The following ZNF438 variants were observed in gnomAD, a reference collection of about 807,000 sequenced individuals.
ZNF438 encodes the protein zinc finger protein 438.
In ZNF438, 25 loss-of-function variants were observed where a neutral mutation model predicts 38.0. The ratio of observed to expected loss-of-function variants is 0.66; its 90% confidence interval spans 0.48 to 0.92. The LOEUF is 0.92. Ranked by LOEUF, ZNF438 falls within the 40% of genes least tolerant of loss-of-function variation. ZNF438 has a pLI of 0.00. For synonymous variants in ZNF438, 372 were observed against 364.1 expected, an observed-to-expected ratio of 1.02 and a Z score of -0.25; for missense variants, 1,007 against 999.6, an observed-to-expected ratio of 1.01 and a Z score of -0.10.
intron 1 of ZNF438, among the ~76,000 whole-genome samples, chr10:31,022,561 C>T (rs536488460): frequency 1.3e-4 from 20 of 152,224 alleles, no homozygotes; most frequent in African/African-American, 4.8e-4. Flanking sequence ...ACACCTGGCC[C>T]ACTACAGCTT....
intron 2 of ZNF438, among the ~76,000 whole-genome samples, chr10:30,926,593 A>G (rs560098846): frequency 5.9e-5 from 9 of 151,928 alleles, no homozygotes; most frequent in African/African-American, 2.2e-4. Flanking sequence ...TTGAACCCGG[A>G]AGGCAGAGGT....
chr10:30,914,983 A>G (rs1264579035), intron 2 of ZNF438, among the ~76,000 whole-genome samples: 1 of 152,042 alleles, frequency 6.6e-6, no homozygotes, highest in Non-Finnish European at 1.5e-5. Flanking sequence ...AAAGCTCAAA[A>G]CTTGTTTAGG....
chr10:30,936,977 T>C (rs1208764553), intron 2 of ZNF438, among the ~76,000 whole-genome samples: 2 of 152,352 alleles, frequency 1.3e-5, no homozygotes, highest in South Asian at 2.1e-4. Flanking sequence ...GTGGTGAGAC[T>C]TGGGACTCCT....
intron 1 of ZNF438, among the ~76,000 whole-genome samples, chr10:30,956,869 A>T (rs1252642216): frequency 6.6e-6 from 1 of 152,208 alleles, no homozygotes; most frequent in Non-Finnish European, 1.5e-5. Flanking sequence ...TATCTCTTCA[A>T]CAACATACTG....
intron 3 of ZNF438, among the ~76,000 whole-genome samples, chr10:30,900,358 C>A (rs1403816687): frequency 6.6e-6 from 1 of 152,050 alleles, no homozygotes; most frequent in East Asian, 1.9e-4. Context: ...CACTTACTAG[C>A]TATGTAAACT....
At chr10:30,856,927 G>T (rs2034735204) in intron 4 of ZNF438, among the ~76,000 whole-genome samples, 1 of 152,162 alleles carries the variant, frequency 6.6e-6, no homozygotes, top group African/African-American at 2.4e-5. Context: ...GGGAAACTAG[G>T]AAGTGTTGAG....
Position 30,954,899 on chromosome 10 carries a change from G to T in ZNF438, c.-191-13248C>A, listed in dbSNP as rs539292555. Among the ~76,000 whole-genome samples the T allele has an allele frequency of 8.5e-5, 13 of 152,280 alleles. No individual in the cohort carries two copies. The South Asian group carries it at 2.7e-3, about 32-fold the overall frequency. On this transcript the variant is annotated intron_variant, in intron 1 of 5. Transcript: ENST00000413025. ...TTGCAAAAAATGACCATTTCTTACA[G>T]AAAAAGGATGACTCTAAATTGAGAG...
At chr10:31,027,470 T>C (rs1338224181) in intron 1 of ZNF438, among the ~76,000 whole-genome samples, 1 of 152,052 alleles carries the variant, frequency 6.6e-6, no homozygotes. Flanking sequence ...GAGGGTCCTG[T>C]TGTTTTCAGA....
intron 1 of ZNF438, among the ~76,000 whole-genome samples, chr10:30,974,223 T>C (rs1177937619): frequency 6.6e-6 from 1 of 152,220 alleles, no homozygotes; most frequent in Non-Finnish European, 1.5e-5. Context: ...CTCAGGCCTA[T>C]AATCCCAACA....
intron 1 of ZNF438, among the ~76,000 whole-genome samples, chr10:30,982,636 A>G (rs1419103133): frequency 6.6e-6 from 1 of 152,146 alleles, no homozygotes; most frequent in Non-Finnish European, 1.5e-5. Flanking sequence ...TAATATATTT[A>G]TATTTCCCTT....
chr10:30,948,038 G>A (rs555547947), intron 1 of ZNF438, among the ~76,000 whole-genome samples: 2 of 151,796 alleles, frequency 1.3e-5, no homozygotes, highest in South Asian at 4.2e-4. Context: ...TGGCTCCTCC[G>A]CAGCTGGAGA....
chr10:30,925,849 A>G (rs2044850986), intron 2 of ZNF438, among the ~76,000 whole-genome samples: 1 of 152,216 alleles, frequency 6.6e-6, no homozygotes, highest in Non-Finnish European at 1.5e-5. Flanking sequence ...CAATAAATGC[A>G]CTTTAACTGG....
rs1179691390 is a variant in ZNF438, at chr10:30,926,226, C to G, written c.-115+15349G>C. ...TAGTTACACGGATGTACATAATTGT[C>G]AAAACTCGCTGAACTCAACACAAGA... On this transcript the variant is annotated intron_variant, in intron 2 of 5. Transcript: ENST00000413025. Among the ~76,000 whole-genome samples, 6 of 152,120 alleles carry G rather than the reference C, an allele frequency of 3.9e-5. No homozygotes were observed. In the South Asian group the frequency reaches 1.0e-3, roughly 26 times the overall value.
intron 3 of ZNF438, among the ~76,000 whole-genome samples, chr10:30,903,457 A>G (rs927767801): frequency 2.0e-5 from 3 of 152,262 alleles, no homozygotes; most frequent in African/African-American, 7.2e-5. Context: ...CCAAGGAAAT[A>G]AGAAATTTCT....
chr10:30,915,925 T>C (rs1183249534), intron 2 of ZNF438, among the ~76,000 whole-genome samples: 1 of 152,004 alleles, frequency 6.6e-6, no homozygotes, highest in Non-Finnish European at 1.5e-5. Context: ...AAAAGAATTC[T>C]GTTGGAGGAG....
intron 3 of ZNF438, among the ~76,000 whole-genome samples, chr10:30,894,568 G>A (rs1321955474): frequency 6.6e-6 from 1 of 152,156 alleles, no homozygotes; most frequent in Non-Finnish European, 1.5e-5. Flanking sequence ...GTCTGGGTGG[G>A]TGGGGAAGAA....
chr10:30,981,235 A>C (rs2052095381), intron 1 of ZNF438, among the ~76,000 whole-genome samples: 1 of 152,224 alleles, frequency 6.6e-6, no homozygotes, highest in South Asian at 2.1e-4. Context: ...AATGAGCCAG[A>C]GTAAAGCTAG....
At position 30,872,705 on chromosome 10, in the gene ZNF438, GCAC is replaced by G. The variant is rs1763871434; in HGVS notation, c.37+4290_37+4292del. Among the ~76,000 whole-genome samples the G allele has an allele frequency of 2.3e-5, 3 of 132,252 alleles. No homozygotes were observed. The South Asian group carries it at 7.4e-4, about 33-fold the overall frequency. 86.8% of individuals were successfully genotyped at this position (132,252 alleles called of 152,430 possible). A position where few individuals can be genotyped will look rare whatever the true frequency, so the allele number is the denominator to read the frequency against. ...GCGGAGCTTGCAGTGAGCCAAGATC[GCAC>G]CACTGCACTCCAGCCTGGGTGACAG... On this transcript the variant is annotated intron_variant, in intron 4 of 5. Transcript: ENST00000413025.
At chr10:30,865,974 T>C (rs2036360079) in intron 4 of ZNF438, among the ~76,000 whole-genome samples, 1 of 152,212 alleles carries the variant, frequency 6.6e-6, no homozygotes, top group Non-Finnish European at 1.5e-5. Context: ...TTGCCTTGTG[T>C]CGACATTTGC....
Sources: allele counts gnomAD v4.1 joint callset (sites outside exome capture counted in the v4.1 genomes callset), GRCh38; gene constraint gnomAD v4.1.1; transcripts MANE v1.5; gene names NCBI Gene and HGNC (gene_info 2026-07-23, HGNC 2026-07-21).